WDSUB1: variants seen among roughly 807,000 people sequenced by gnomAD.
WDSUB1 encodes the protein WD repeat, SAM and U-box domain-containing protein 1.
Under a neutral mutation model 53.9 loss-of-function variants are expected in WDSUB1, and 49 were observed. The ratio of observed to expected loss-of-function variants is 0.91; its 90% CI spans 0.72 to 1.15. WDSUB1 has a LOEUF of 1.15. Among genes scored for constraint, WDSUB1 ranks in the 50% most tolerant of loss-of-function variants. WDSUB1 has a pLI of 0.00. For missense variants in WDSUB1, 514 were observed against 562.0 expected (o/e 0.91, Z 0.86); for synonymous variants, 194 against 200.6 (o/e 0.97, Z 0.28).
At chr2:159,278,500 ATACT>A (rs57380415) in intron 3 of WDSUB1, among the ~76,000 whole-genome samples, 4,342 of 152,294 alleles carry the variant, frequency 0.029, 191 homozygotes, top group African/African-American at 0.094. Context: ...AAAAATTGTG[ATACT>A]TAGTACTGTA....
rs780011448 is a variant in WDSUB1 at position 159,271,774 on chromosome 2, CT to C, written c.697del (p.Ser233ValfsTer3). On this transcript the variant is annotated frameshift_variant, in exon 5 of 11. Transcript: ENST00000359774. LOFTEE classifies it high-confidence loss of function. ...HILGFELKYK[S>X]TLSGHCAPVL... Reference sequence around the variant, plus strand: ...AGGAGCACAGTGCCCACTCAGTGTACTTTTATATTTTAATTCAAAACCTGCA... The same window carrying C: ...AGGAGCACAGTGCCCACTCAGTGTACTTTATATTTTAATTCAAAACCTGCA... The C allele has an allele frequency of 2.0e-5, 32 of 1,613,940 alleles. No individual in the cohort carries two copies. Among genetic ancestry groups the C allele is most frequent in the Non-Finnish European group, 2.7e-5 (32 of 1,179,900 alleles).
chr2:159,261,317 G>A (rs1383903416), intron 5 of WDSUB1, among the ~76,000 whole-genome samples: 1 of 152,146 alleles, frequency 6.6e-6, no homozygotes, highest in Non-Finnish European at 1.5e-5. Flanking sequence ...AGGGACTTGA[G>A]CATCCACAGG....
Position 159,255,644 on chromosome 2 carries a change from A to G in WDSUB1, c.1132+552T>C, listed in dbSNP as rs1030116949. On this transcript the variant is annotated intron_variant, in intron 9 of 10. Transcript: ENST00000359774. Reference sequence around the variant, plus strand: ...AATAGGCTCACGTACTATGTTTACTATGTAAGGAAAGTAAAATACTTATAA... The same window carrying G: ...AATAGGCTCACGTACTATGTTTACTGTGTAAGGAAAGTAAAATACTTATAA... 2.6e-5 allele frequency among the ~76,000 whole-genome samples: 4 copies of G among 152,142 alleles called. No individual in the cohort carries two copies. The East Asian group carries it at 5.8e-4, about 22-fold the overall frequency.
At chr2:159,275,374 C>T (rs1288459130) in intron 4 of WDSUB1, among the ~76,000 whole-genome samples, 172 bp downstream of exon 4, 1 of 152,202 alleles carries the variant, frequency 6.6e-6, no homozygotes, top group Non-Finnish European at 1.5e-5. Flanking sequence ...AGGTCATGAT[C>T]ATCAATGAGC....
chr2:159,259,016 A>G (rs2061130290), intron 6 of WDSUB1, among the ~76,000 whole-genome samples: 3 of 151,604 alleles, frequency 2.0e-5, no homozygotes. Flanking sequence ...CTTTTGGACA[A>G]TATTTTTTTC....
intron 10 of WDSUB1, among the ~76,000 whole-genome samples, chr2:159,244,306 C>T (rs1274998661): frequency 6.6e-6 from 1 of 151,364 alleles, no homozygotes; most frequent in African/African-American, 2.4e-5. Flanking sequence ...TGAAGAAAGT[C>T]TATTAAGCTT....
intron 2 of WDSUB1, among the ~76,000 whole-genome samples, chr2:159,282,302 C>A (rs2061682671): frequency 1.3e-5 from 2 of 152,182 alleles, no homozygotes; most frequent in African/African-American, 4.8e-5. Flanking sequence ...ACGTCATTCT[C>A]CTGCCTCAGC....
In WDSUB1 at chr2:159,279,935, C is replaced by T. The variant is rs762160451; in HGVS notation, c.409G>A (p.Val137Ile). ...QSYKLYRCGS[V>I]KDGSLAACAF... ...CATGCCGCCAAGGAGCCATCTTTAA[C>T]ACTACCACATCTGAAATAAAAGCAA... is the stretch of plus-strand genomic sequence containing the variant. Residue 137 changes from valine to isoleucine, a missense_variant, in exon 3 of 11, where the codon GTT (valine) becomes ATT (isoleucine). Val to Ile is a conservative substitution (Grantham distance 29, BLOSUM62 3). Transcript: ENST00000359774. 6.2e-7 allele frequency: 1 copy of T among 1,609,026 alleles called. No individual in the cohort carries two copies.
chr2:159,272,891 T>C (rs975305861), intron 4 of WDSUB1, among the ~76,000 whole-genome samples: 4 of 152,106 alleles, frequency 2.6e-5, no homozygotes, highest in African/African-American at 9.7e-5. Flanking sequence ...ACTTTAAAAG[T>C]ATACTGAGGG....
intron 5 of WDSUB1, among the ~76,000 whole-genome samples, chr2:159,264,159 G>A (rs2061286394): frequency 6.6e-6 from 1 of 151,948 alleles, no homozygotes; most frequent in African/African-American, 2.4e-5. Context: ...ATACTCTGAT[G>A]ATTTCAGCCT....
chr2:159,256,492 C>T, intron 8 of WDSUB1, 117 bp from the exon 9 acceptor site: 1 of 1,066,250 alleles, frequency 9.4e-7, no homozygotes, highest in Non-Finnish European at 1.3e-6. Context: ...TAGCTAGGTA[C>T]AGTGGCTCAT....
At chr2:159,248,315 CT>C (rs1352943886) in intron 10 of WDSUB1, 56 bp downstream of exon 10, 1 of 1,576,320 alleles carries the variant, frequency 6.3e-7, no homozygotes, top group Non-Finnish European at 8.6e-7. Flanking sequence ...ACTGTCTAAA[CT>C]TTTTATTCAT....
At chr2:159,269,590 CAGAGAA>C (rs1482931397) in intron 5 of WDSUB1, among the ~76,000 whole-genome samples, 1 of 152,072 alleles carries the variant, frequency 6.6e-6, no homozygotes, top group African/African-American at 2.4e-5. Flanking sequence ...CATGAGCAGC[CAGAGAA>C]AAACACATGA....
At chr2:159,238,388 A>ACCCT (rs2060545896) in intron 10 of WDSUB1, among the ~76,000 whole-genome samples, 1 of 152,188 alleles carries the variant, frequency 6.6e-6, no homozygotes, top group African/African-American at 2.4e-5. Flanking sequence ...GGCTCAAGTG[A>ACCCT]CCCTCCTTAC....
chr2:159,266,171 A>C (rs1428620438), intron 5 of WDSUB1, among the ~76,000 whole-genome samples: 3 of 152,128 alleles, frequency 2.0e-5, no homozygotes, highest in African/African-American at 4.8e-5. Flanking sequence ...TAGGGTAATA[A>C]CTTTTAAGAG....
chr2:159,239,084 C>G (rs1466745744), intron 10 of WDSUB1, among the ~76,000 whole-genome samples: 1 of 152,174 alleles, frequency 6.6e-6, no homozygotes, highest in Non-Finnish European at 1.5e-5. Flanking sequence ...TCACTGCAGC[C>G]TCGACCTCCC....
intron 5 of WDSUB1, 148 bp from the exon 6 acceptor site, chr2:159,259,991 C>A: frequency 1.1e-6 from 1 of 941,968 alleles, no homozygotes; most frequent in Non-Finnish European, 1.5e-6. Flanking sequence ...TGTTCATATG[C>A]ATGAAAACTT....
chr2:159,249,261 GAAAC>G (rs1377599781), intron 9 of WDSUB1, among the ~76,000 whole-genome samples: 2 of 152,118 alleles, frequency 1.3e-5, no homozygotes, highest in Admixed American at 1.3e-4. Flanking sequence ...ATTCTTGTAA[GAAAC>G]ACAATCACAA....
At chr2:159,255,505 A>T (rs1559540953) in intron 9 of WDSUB1, among the ~76,000 whole-genome samples, 1 of 151,870 alleles carries the variant, frequency 6.6e-6, no homozygotes, top group Non-Finnish European at 1.5e-5. Context: ...TAAATTAAAT[A>T]AAGAAAAGTG....
Sources: allele counts gnomAD v4.1 joint callset (sites outside exome capture counted in the v4.1 genomes callset), GRCh38; gene constraint gnomAD v4.1.1; transcripts MANE v1.5; gene names NCBI Gene and HGNC (gene_info 2026-07-23, HGNC 2026-07-21).